Variants in DCUN1D1 observed in about 807,000 individuals in gnomAD.
DCUN1D1 encodes the protein defective in cullin neddylation 1 domain containing 1, also known as DCN1-like protein 1.
Under a neutral mutation model 39.0 loss-of-function variants are expected in DCUN1D1, and 3 were observed. The ratio of observed to expected loss-of-function variants is 0.08; its 90% CI spans 0.04 to 0.20. The LOEUF is 0.20. Among genes scored for constraint, DCUN1D1 ranks in the 10% least tolerant of loss-of-function variants. The pLI is 1.00. For synonymous variants in DCUN1D1, 82 were observed against 96.3 expected (o/e 0.85, Z 0.87); for missense variants, 158 against 302.4 (o/e 0.52, Z 3.54).
chr3:182,981,798 G>T (rs986189467), upstream of DCUN1D1, among the ~76,000 whole-genome samples: 3 of 152,228 alleles, frequency 2.0e-5, no homozygotes, highest in Admixed American at 6.5e-5. Context: ...CATGTACTGG[G>T]AGCGCCCAGC....
upstream of DCUN1D1, chr3:182,980,617 G>T (rs558054157): frequency 1.6e-4 from 163 of 1,045,028 alleles, 2 homozygotes; most frequent in East Asian, 8.9e-3. Context: ...GGCCCGGCGC[G>T]GCCCGAGGAG....
chr3:182,981,552 G>T (rs1355500357), upstream of DCUN1D1, among the ~76,000 whole-genome samples: 1 of 152,068 alleles, frequency 6.6e-6, no homozygotes, highest in Non-Finnish European at 1.5e-5. Flanking sequence ...CTTCACACAG[G>T]AAGGAAATAA....
intron 4 of DCUN1D1, among the ~76,000 whole-genome samples, chr3:182,950,001 G>A (rs1056238513): frequency 6.6e-6 from 1 of 152,098 alleles, no homozygotes; most frequent in Admixed American, 6.5e-5. Flanking sequence ...CCAAGGATAA[G>A]CCCCTTATAG....
intron 4 of DCUN1D1, among the ~76,000 whole-genome samples, chr3:182,956,939 A>G (rs1348136783): frequency 6.6e-6 from 1 of 152,220 alleles, no homozygotes; most frequent in African/African-American, 2.4e-5. Flanking sequence ...AGAAATTGGA[A>G]ATGTGTTTGG....
intron 4 of DCUN1D1, chr3:182,956,033 A>G (rs1421225035): frequency 6.8e-6 from 1 of 148,094 alleles, no homozygotes; most frequent in Non-Finnish European, 1.5e-5. Context: ...GGTTTAAGCC[A>G]TTCTCCTGCC....
rs1726386328 is a variant in DCUN1D1 at position 182,946,153 on chromosome 3, G to C, written c.701-980C>G. Among the ~76,000 whole-genome samples, 3 of 152,294 alleles carry C rather than the reference G, an allele frequency of 2.0e-5. No homozygotes were observed. The South Asian group carries it at 6.2e-4, about 32-fold the overall frequency. ...TAGAAAAATACAAGTCCACATCCTA[G>C]TAGTGGATGGTAGCACCATCTTTAT... On this transcript the variant is annotated intron_variant, in intron 6 of 6. Transcript: ENST00000292782.
At position 182,964,065 on chromosome 3, in the gene DCUN1D1, T is replaced by C. The variant is rs4859147; in HGVS notation, c.221-16A>G. On this transcript the variant is annotated splice_polypyrimidine_tract_variant and intron_variant, in intron 2 of 6. Transcript: ENST00000292782. Reference sequence around the variant, plus strand: ...TCTTGAGGGTCTTTAAAAATAACAATGCAATATTAAAGTAGTGTCATATTA... The same window carrying C: ...TCTTGAGGGTCTTTAAAAATAACAACGCAATATTAAAGTAGTGTCATATTA... 979,404 of 1,596,022 alleles carry C rather than the reference T, an allele frequency of 0.61. 317,861 individuals are homozygous for C. The highest frequency in any genetic ancestry group is 0.67 in the Non-Finnish European group (782,323 of 1,167,064).
chr3:182,951,172 C>T (rs75605970), intron 4 of DCUN1D1, among the ~76,000 whole-genome samples: 1,604 of 152,074 alleles, frequency 0.011, 29 homozygotes, highest in African/African-American at 0.037. Flanking sequence ...GGCTTAAGTG[C>T]CAAAAATGTT....
At chr3:182,963,080 C>T (rs974057828) in intron 3 of DCUN1D1, among the ~76,000 whole-genome samples, 2 of 152,018 alleles carry the variant, frequency 1.3e-5, no homozygotes, top group East Asian at 3.9e-4. Flanking sequence ...GCGCCTAGCC[C>T]CTGGTGTGGT....
chr3:182,982,205 T>C (rs1424694017), upstream of DCUN1D1, among the ~76,000 whole-genome samples: 1 of 152,210 alleles, frequency 6.6e-6, no homozygotes, highest in East Asian at 1.9e-4. Flanking sequence ...TCATTTTCCA[T>C]GACTCCACCT....
chr3:182,967,961 T>TA (rs1455515102), intron 1 of DCUN1D1, among the ~76,000 whole-genome samples: 1 of 150,694 alleles, frequency 6.6e-6, no homozygotes, highest in East Asian at 1.9e-4. Flanking sequence ...AGGAACAAAG[T>TA]AAAGTACCAA....
Position 182,942,076 on chromosome 3 carries a change from C to A in DCUN1D1, c.*3018G>T, listed in dbSNP as rs1348118412. 2 of 152,032 alleles carry A rather than the reference C, an allele frequency of 1.3e-5. No individual in the cohort carries two copies. Among genetic ancestry groups the A allele is most frequent in the Non-Finnish European group, 2.9e-5 (2 of 67,950 alleles). The allele number at this position is 152,032 out of a possible 1,614,324, so 9.4% of individuals were successfully genotyped here. ...AGTAAAGATATTACGTAAAGGATTT[C>A]TCATGTTATTTTGTTGAGTAAATTT... is the stretch of plus-strand genomic sequence containing the variant. On this transcript the variant is annotated 3_prime_UTR_variant, in exon 7 of 7. Coordinates refer to ENST00000292782, the MANE Select transcript of DCUN1D1 (RefSeq NM_020640.4).
At chr3:182,985,438 T>A (rs1044783892), upstream of DCUN1D1, 1 of 152,278 alleles carries the variant, frequency 6.6e-6, no homozygotes, top group Non-Finnish European at 1.5e-5. Context: ...TGACCCAGCC[T>A]GACTAACATG....
chr3:182,961,673 T>C (rs1325156071), intron 3 of DCUN1D1, among the ~76,000 whole-genome samples: 10 of 152,212 alleles, frequency 6.6e-5, no homozygotes, highest in Admixed American at 4.6e-4. Context: ...TAAGAATGTA[T>C]AGTAATCAGC....
rs547907160 is a variant in DCUN1D1, at chr3:182,938,911, A to G, written c.*6183T>C. On this transcript the variant is annotated 3_prime_UTR_variant, in exon 7 of 7. Coordinates refer to ENST00000292782, the MANE Select transcript of DCUN1D1 (RefSeq NM_020640.4). ...AGCTGTATCAACCTTGGTACAAACA[A>G]TAACAGAGCCAAAGCACCAGCCATC... The G allele has an allele frequency of 1.3e-5, 2 of 152,608 alleles. No homozygotes were observed. The highest frequency in any genetic ancestry group is 3.9e-4 in the East Asian group (2 of 5,184). The allele number at this position is 152,608 out of a possible 1,614,324, so 9.5% of individuals were successfully genotyped here.
chr3:182,982,674 G>C (rs1276384894), upstream of DCUN1D1, among the ~76,000 whole-genome samples: 1 of 151,946 alleles, frequency 6.6e-6, no homozygotes, highest in Non-Finnish European at 1.5e-5. Context: ...ATGGAGTCTA[G>C]TTCTGTCACC....
At chr3:182,968,587 T>C (rs951482702) in intron 1 of DCUN1D1, among the ~76,000 whole-genome samples, 3 of 151,864 alleles carry the variant, frequency 2.0e-5, no homozygotes, top group Non-Finnish European at 2.9e-5. Flanking sequence ...ATAAATGATA[T>C]ATATATATAA....
At chr3:182,985,763 C>A (rs796501818) in intron 1 of DCUN1D1, 4 of 152,308 alleles carry the variant, frequency 2.6e-5, no homozygotes, top group African/African-American at 9.6e-5. Flanking sequence ...TACAAAAGAA[C>A]CAACAAAAGC....
At chr3:182,948,569 A>G (rs751231852) in intron 4 of DCUN1D1, among the ~76,000 whole-genome samples, 53 of 152,248 alleles carry the variant, frequency 3.5e-4, no homozygotes, top group South Asian at 1.7e-3. Flanking sequence ...TCAAGGAACC[A>G]TAGCAGTTAA....
Sources: gnomAD v4.1 joint callset for allele counts (sites outside exome capture counted in the v4.1 genomes callset) on GRCh38, gnomAD v4.1.1 for gene constraint, MANE v1.5 for transcripts, NCBI Gene and HGNC (gene_info 2026-07-23, HGNC 2026-07-21) for gene names.